Variants in KIAA0040 observed in about 807,000 individuals in gnomAD.
The protein encoded by KIAA0040 is KIAA0040.
KIAA0040 carries 10 observed loss-of-function variants against 7.2 expected under a neutral mutation model. The observed-to-expected ratio is 1.38, with a 90% CI of 0.85 to 2.34. KIAA0040 has a LOEUF of 2.34. KIAA0040 is among the 30% of genes most tolerant of loss of function. The pLI is 0.00. For synonymous variants in KIAA0040, 49 were observed against 40.1 expected, an observed-to-expected ratio of 1.22 and a Z score of -0.84; for missense variants, 89 against 108.2, an observed-to-expected ratio of 0.82 and a Z score of 0.79.
intron 2 of KIAA0040, among the ~76,000 whole-genome samples, chr1:175,170,121 C>T (rs755961799): frequency 1.3e-4 from 20 of 152,064 alleles, no homozygotes; most frequent in Non-Finnish European, 2.6e-4. Context: ...GCGTGCACAG[C>T]GCTAAGGGCA....
At chr1:175,171,215 T>C (rs955260488) in intron 2 of KIAA0040, among the ~76,000 whole-genome samples, 1 of 152,332 alleles carries the variant, frequency 6.6e-6, no homozygotes, top group South Asian at 2.1e-4. Flanking sequence ...AGCCAACCCC[T>C]ATCTCACCAT....
chr1:175,173,688 C>T (rs1002279959), intron 2 of KIAA0040, among the ~76,000 whole-genome samples: 3 of 152,206 alleles, frequency 2.0e-5, no homozygotes, highest in African/African-American at 7.2e-5. Flanking sequence ...CTGCCACGTG[C>T]GTCACACCCT....
At chr1:175,192,831 G>GCCCCGCCCCGCTCCA (rs1316296330), upstream of KIAA0040, 5 of 19,594 alleles carry the variant, frequency 2.6e-4, no homozygotes, top group Non-Finnish European at 6.3e-4. Context: ...GCCCCGCCCC[G>GCCCCGCCCCGCTCCA]CCCCGCCCCG....
chr1:175,160,492 T>C lies in KIAA0040; in HGVS notation c.*222A>G, dbSNP rs1676484595. ...ATGCCTGGGTCTGCAGTAAGGAGCA[T>C]TGCTATTGGACACATAGCTGCCAAG... On this transcript the variant is annotated 3_prime_UTR_variant, in exon 4 of 4. Coordinates refer to ENST00000423313, the MANE Select transcript of KIAA0040 (RefSeq NM_014656.3). The C allele has an allele frequency of 9.2e-6, 5 of 542,790 alleles. No homozygotes were observed. The highest frequency in any genetic ancestry group is 1.6e-5 in the Non-Finnish European group (5 of 306,160). 33.6% of individuals were successfully genotyped at this position (542,790 alleles called of 1,614,324 possible). A position where few individuals can be genotyped will look rare whatever the true frequency, so the allele number is the denominator to read the frequency against.
intron 1 of KIAA0040, among the ~76,000 whole-genome samples, chr1:175,188,501 A>G (rs1258186633): frequency 1.3e-5 from 2 of 152,294 alleles, no homozygotes; most frequent in African/African-American, 2.4e-5. Context: ...CTGAAAGCCC[A>G]TTATTCACCT....
intron 2 of KIAA0040, among the ~76,000 whole-genome samples, chr1:175,171,194 GC>G (rs1676978686): frequency 6.6e-6 from 1 of 151,928 alleles, no homozygotes; most frequent in Non-Finnish European, 1.5e-5. Flanking sequence ...ATCTAATGTC[GC>G]CCAACCCCCA....
intron 1 of KIAA0040, among the ~76,000 whole-genome samples, chr1:175,183,085 C>T (rs1250315687): frequency 6.6e-6 from 1 of 152,170 alleles, no homozygotes; most frequent in African/African-American, 2.4e-5. Flanking sequence ...ATTTGTTAGC[C>T]CAGGGGCCAT....
intron 2 of KIAA0040, among the ~76,000 whole-genome samples, chr1:175,169,548 C>G (rs1055497081): frequency 1.3e-5 from 2 of 152,200 alleles, no homozygotes; most frequent in African/African-American, 4.8e-5. Flanking sequence ...GTAAACAGCC[C>G]TTGACTCCTT....
chr1:175,179,552 C>T (rs1363071594), intron 1 of KIAA0040, among the ~76,000 whole-genome samples: 1 of 152,148 alleles, frequency 6.6e-6, no homozygotes, highest in African/African-American at 2.4e-5. Context: ...AAAGAAATGG[C>T]TATTTATCTC....
chr1:175,160,904 A>C lies in KIAA0040; in HGVS notation c.110T>G (p.Leu37Arg). 1 of 1,551,562 alleles carries C rather than the reference A, an allele frequency of 6.4e-7. No individual in the cohort carries two copies. The highest frequency in any genetic ancestry group is 8.7e-7 in the Non-Finnish European group (1 of 1,146,974). Reference protein sequence around the residue: ...ICLGVLLGLPLLVIITLLFIC... With the variant: ...ICLGVLLGLPRLVIITLLFIC... ...GAAGAGGAGTGTGATGATCACCAAG[A>C]GTGGCAGGCCCAGGAGGACTCCCAG... The change falls in exon 4 of 4, where the codon CTC becomes CGC. Residue 37 changes from leucine (L) to arginine (R), a missense_variant. Coordinates refer to ENST00000423313, the MANE Select transcript of KIAA0040 (RefSeq NM_014656.3).
intron 2 of KIAA0040, among the ~76,000 whole-genome samples, chr1:175,170,186 T>C (rs557974305): frequency 1.3e-5 from 2 of 152,228 alleles, no homozygotes; most frequent in South Asian, 4.1e-4. Flanking sequence ...GGAAAGCGCA[T>C]GGCACATCCA....
intron 2 of KIAA0040, among the ~76,000 whole-genome samples, chr1:175,170,362 G>A (rs1676937714): frequency 6.6e-6 from 1 of 152,126 alleles, no homozygotes; most frequent in Non-Finnish European, 1.5e-5. Context: ...ATGGCCTCTA[G>A]TTTTTCCTTC....
At chr1:175,188,974 G>A (rs1420830156) in intron 1 of KIAA0040, among the ~76,000 whole-genome samples, 2 of 152,164 alleles carry the variant, frequency 1.3e-5, no homozygotes, top group Non-Finnish European at 2.9e-5. Flanking sequence ...AGAGGCAGAT[G>A]GAACTTGGAT....
intron 3 of KIAA0040, among the ~76,000 whole-genome samples, chr1:175,161,542 A>G (rs1676544059): frequency 6.6e-6 from 1 of 152,012 alleles, no homozygotes; most frequent in Non-Finnish European, 1.5e-5. Context: ...TTGAACACAC[A>G]CTCCCCACAG....
At chr1:175,191,703 C>T (rs1425368359) in intron 1 of KIAA0040, among the ~76,000 whole-genome samples, 1 of 152,214 alleles carries the variant, frequency 6.6e-6, no homozygotes, top group East Asian at 1.9e-4. Flanking sequence ...AACAGAACTT[C>T]AGAATGAGGG....
At chr1:175,184,563 G>A (rs1677581321) in intron 1 of KIAA0040, among the ~76,000 whole-genome samples, 1 of 152,216 alleles carries the variant, frequency 6.6e-6, no homozygotes, top group South Asian at 2.1e-4. Context: ...CCCAGGCATA[G>A]GAGTTCCATG....
chr1:175,163,629 C>T lies in KIAA0040; in HGVS notation c.-133-2483G>A, dbSNP rs765542875. ...GATTTTCCTTCTCCCTCTGCAATGA[C>T]CTTTGCTTTTACCTCAGTCTTGAGT... On this transcript the variant is annotated intron_variant, in intron 3 of 3. Coordinates refer to ENST00000423313, the MANE Select transcript of KIAA0040 (RefSeq NM_014656.3). Among the ~76,000 whole-genome samples the T allele has an allele frequency of 3.9e-5, 6 of 152,350 alleles. No individual in the cohort carries two copies. The South Asian group carries it at 1.2e-3, about 32-fold the overall frequency.
intron 1 of KIAA0040, among the ~76,000 whole-genome samples, chr1:175,188,365 T>G (rs548462845): frequency 2.2e-4 from 33 of 152,324 alleles, no homozygotes; most frequent in Middle Eastern, 3.4e-3. Context: ...AAACCTGGCC[T>G]GGGCTCTGGC....
At chr1:175,192,574 T>G (rs971827967) in intron 1 of KIAA0040, 66 bp downstream of exon 1, 3 of 152,222 alleles carry the variant, frequency 2.0e-5, no homozygotes, top group African/African-American at 7.2e-5. Flanking sequence ...CTGGGCGTCT[T>G]CTTCCAAACA....
Sources: allele counts gnomAD v4.1 joint callset (sites outside exome capture counted in the v4.1 genomes callset), GRCh38; gene constraint gnomAD v4.1.1; transcripts MANE v1.5; gene names NCBI Gene and HGNC (gene_info 2026-07-23, HGNC 2026-07-21).